The following MYOCD variants were observed in gnomAD, a reference collection of about 807,000 sequenced individuals.
The protein encoded by MYOCD is myocardin.
Under a neutral mutation model 96.1 loss-of-function variants are expected in MYOCD, and 32 were observed. The observed-to-expected ratio is 0.33, with a 90% CI of 0.25 to 0.45. The LOEUF is 0.45. Ranked by LOEUF, MYOCD falls within the 20% of genes least tolerant of loss-of-function variation. MYOCD has a pLI of 1.00. For missense variants in MYOCD, 1,133 were observed against 1,200.6 expected (o/e 0.94, Z 0.83); for synonymous variants, 469 against 469.0 (o/e 1.00, Z 0.00).
At chr17:12,715,937 T>TA (rs1292609305) in intron 3 of MYOCD, among the ~76,000 whole-genome samples, 1 of 152,188 alleles carries the variant, frequency 6.6e-6, no homozygotes, top group East Asian at 1.9e-4. Flanking sequence ...AATCAGATTT[T>TA]AAAAAATCCA....
chr17:12,752,690 G>A lies in MYOCD; in HGVS notation c.1402G>A (p.Ala468Thr), dbSNP rs531377746. 1.3e-5 allele frequency: 21 copies of A among 1,614,008 alleles called. No homozygotes were observed. Among genetic ancestry groups the A allele is most frequent in the South Asian group, 3.3e-5 (3 of 91,066 alleles). ...ISPASSDLSV[A>T]GSLPDTFNDA... is the part of the protein sequence containing the mutation. ...CCCAGCCTCCTCTGACCTGTCAGTC[G>A]CTGGGTCCCTGCCGGACACCTTCAA... is the stretch of plus-strand genomic sequence containing the variant. Residue 468 changes from alanine to threonine, a missense_variant, in exon 10 of 14, where the codon GCT (alanine) becomes ACT (threonine). Coordinates refer to ENST00000425538, the MANE Select transcript of MYOCD (RefSeq NM_001146312.3).
At chr17:12,729,027 T>A (rs1414200662) in intron 5 of MYOCD, among the ~76,000 whole-genome samples, 1 of 152,176 alleles carries the variant, frequency 6.6e-6, no homozygotes, top group Non-Finnish European at 1.5e-5. Context: ...ATCTAGTCAT[T>A]CTTCAGAGAC....
chr17:12,739,434 G>T, intron 7 of MYOCD, 106 bp downstream of exon 7: 1 of 1,304,840 alleles, frequency 7.7e-7, no homozygotes, highest in East Asian at 2.7e-5. Flanking sequence ...AGAGTTACAC[G>T]GAGGACCCAG....
At chr17:12,718,741 C>CAG (rs5819381) in intron 4 of MYOCD, among the ~76,000 whole-genome samples, 4,977 of 152,098 alleles carry the variant, frequency 0.033, 204 homozygotes, top group Admixed American at 0.11. Flanking sequence ...GTCTGGAAAA[C>CAG]AGAAAAAAGT....
At chr17:12,702,581 A>G (rs976286679) in intron 1 of MYOCD, among the ~76,000 whole-genome samples, 5 of 151,816 alleles carry the variant, frequency 3.3e-5, no homozygotes, top group Non-Finnish European at 4.4e-5. Flanking sequence ...CTACCATTAT[A>G]TTACTTGTTT....
At chr17:12,740,973 G>A (rs1346278361) in intron 7 of MYOCD, among the ~76,000 whole-genome samples, 2 of 151,912 alleles carry the variant, frequency 1.3e-5, no homozygotes, top group Non-Finnish European at 2.9e-5. Context: ...CCTGACCTCA[G>A]GTAATCCACC....
intron 5 of MYOCD, among the ~76,000 whole-genome samples, chr17:12,726,951 C>G (rs1010462770): frequency 6.6e-6 from 1 of 151,966 alleles, no homozygotes; most frequent in African/African-American, 2.4e-5. Context: ...TACAACTTAC[C>G]TATTACTAAA....
At chr17:12,671,487 A>G (rs764435036) in intron 1 of MYOCD, among the ~76,000 whole-genome samples, 6 of 152,200 alleles carry the variant, frequency 3.9e-5, no homozygotes, top group Non-Finnish European at 8.8e-5. Flanking sequence ...GTTAGGCAGT[A>G]GTTGTGTCCA....
chr17:12,737,513 G>A (rs2032382242), intron 6 of MYOCD, among the ~76,000 whole-genome samples: 1 of 152,122 alleles, frequency 6.6e-6, no homozygotes, highest in Admixed American at 6.5e-5. Context: ...CCAGAGGTAT[G>A]GAGCCCTTAA....
intron 1 of MYOCD, among the ~76,000 whole-genome samples, chr17:12,693,774 A>G (rs1203798446): frequency 6.6e-6 from 1 of 152,120 alleles, no homozygotes; most frequent in African/African-American, 2.4e-5. Flanking sequence ...TCAAATGAGG[A>G]AATCAGAATC....
At chr17:12,758,337 C>T (rs2150726072) in intron 12 of MYOCD, 124 bp downstream of exon 12, 2 of 1,352,216 alleles carry the variant, frequency 1.5e-6, no homozygotes, top group East Asian at 2.4e-5. Flanking sequence ...GCCATACCAC[C>T]AAAATAAGCA....
intron 6 of MYOCD, among the ~76,000 whole-genome samples, chr17:12,737,740 G>T (rs547410289): frequency 9.5e-4 from 144 of 152,284 alleles, no homozygotes; most frequent in Middle Eastern, 3.4e-3. Context: ...GTACCATACA[G>T]ATATTAGGGA....
In MYOCD at chr17:12,736,295, G is replaced by A; in HGVS notation, c.550G>A (p.Ala184Thr). ...AGCGGGATCCCCGCCAGACGCTAAA[G>A]CCTCAGATACCCCTTCGACAGGTTC... is the stretch of plus-strand genomic sequence containing the variant. The part of the protein sequence containing the change: ...NSAGSPPDAK[A>T]SDTPSTGSLG... Residue 184 changes from alanine to threonine, a missense_variant, in exon 6 of 14, where the codon GCC becomes ACC. By Grantham distance (58) the Ala-to-Thr change is moderately conservative (BLOSUM62 0). Transcript: ENST00000425538. 6.2e-7 allele frequency: 1 copy of A among 1,614,196 alleles called. No homozygotes were observed. The highest frequency in any genetic ancestry group is 1.7e-5 in the Admixed American group (1 of 60,026).
At chr17:12,682,458 A>T (rs1014417710) in intron 1 of MYOCD, among the ~76,000 whole-genome samples, 6 of 152,230 alleles carry the variant, frequency 3.9e-5, no homozygotes, top group African/African-American at 1.4e-4. Flanking sequence ...CTTGAAGGCA[A>T]TAATGTCAAG....
intron 2 of MYOCD, among the ~76,000 whole-genome samples, chr17:12,711,924 CTTT>C (rs11388469): frequency 5.9e-5 from 8 of 134,808 alleles, no homozygotes; most frequent in Admixed American, 7.5e-5. Context: ...TTTCTTTTTT[CTTT>C]TTTTTTTTTT....
At chr17:12,686,964 G>C (rs117785637) in intron 1 of MYOCD, among the ~76,000 whole-genome samples, 2,312 of 152,284 alleles carry the variant, frequency 0.015, 18 homozygotes, top group Middle Eastern at 0.031. Context: ...ATCTACATCC[G>C]CTCTTTGCTC....
chr17:12,747,963 G>A (rs1187633144), intron 9 of MYOCD, among the ~76,000 whole-genome samples: 3 of 151,308 alleles, frequency 2.0e-5, no homozygotes, highest in Non-Finnish European at 4.4e-5. Flanking sequence ...AAGAGATCAA[G>A]ACCAGCCTGA....
intron 1 of MYOCD, among the ~76,000 whole-genome samples, chr17:12,685,801 A>G (rs1235711422): frequency 1.3e-5 from 2 of 152,120 alleles, no homozygotes; most frequent in Non-Finnish European, 2.9e-5. Context: ...CAGAGTATAT[A>G]TGCCTTAAAT....
In MYOCD at chr17:12,755,380, G is replaced by A. The variant is rs146578502; in HGVS notation, c.2059-1034G>A. On this transcript the variant is annotated intron_variant, in intron 10 of 13. Transcript: ENST00000425538. Reference sequence around the variant, plus strand: ...AATCCTAGCACTTTGGGAGGCCGAGGTGGGCGGATCACAAGGTCAAGAGTT... The same window carrying A: ...AATCCTAGCACTTTGGGAGGCCGAGATGGGCGGATCACAAGGTCAAGAGTT... Among the ~76,000 whole-genome samples the A allele has an allele frequency of 4.5e-4, 69 of 152,312 alleles. 1 individual carries two copies. The East Asian group carries it at 0.013, about 29-fold the overall frequency.
Sources: gnomAD v4.1 joint callset for allele counts (sites outside exome capture counted in the v4.1 genomes callset) on GRCh38, gnomAD v4.1.1 for gene constraint, MANE v1.5 for transcripts, NCBI Gene and HGNC (gene_info 2026-07-23, HGNC 2026-07-21) for gene names.